Variants in ZBTB16 observed in about 807,000 individuals in gnomAD.
ZBTB16 encodes the protein zinc finger and BTB domain-containing protein 16.
A neutral mutation model predicts 56.8 loss-of-function variants in ZBTB16; 8 were observed. The observed-to-expected ratio is 0.14, with a 90% CI of 0.08 to 0.25. The LOEUF is 0.25. ZBTB16 is among the 10% of genes least tolerant of loss of function. The probability of loss-of-function intolerance (pLI) is 1.00; values close to 1 mark genes in which losing one functional copy is unlikely to be tolerated. For missense variants in ZBTB16, 625 were observed against 903.0 expected (o/e 0.69, Z 3.95); for synonymous variants, 363 against 368.5 (o/e 0.98, Z 0.17).
intron 2 of ZBTB16, among the ~76,000 whole-genome samples, chr11:114,075,465 T>C (rs905721941): frequency 4.6e-5 from 7 of 151,976 alleles, no homozygotes; most frequent in Admixed American, 3.3e-4. Context: ...GTTTTTTTTC[T>C]TTTTTTCTTG....
intron 3 of ZBTB16, 40 bp from the exon 4 acceptor site, chr11:114,186,912 G>A: frequency 1.3e-6 from 2 of 1,597,930 alleles, no homozygotes; most frequent in Middle Eastern, 3.8e-4. Context: ...CTCACCAGTG[G>A]ACTATTGCTC....
At chr11:114,194,985 A>G (rs528330044) in intron 4 of ZBTB16, among the ~76,000 whole-genome samples, 6 of 152,334 alleles carry the variant, frequency 3.9e-5, no homozygotes, top group African/African-American at 1.4e-4. Context: ...TAGCTTCTCC[A>G]TGTCATTTGA....
chr11:114,102,737 A>AT (rs984765369), intron 2 of ZBTB16, among the ~76,000 whole-genome samples: 27 of 152,268 alleles, frequency 1.8e-4, no homozygotes, highest in African/African-American at 5.8e-4. Flanking sequence ...TTAATTATTT[A>AT]TTGGGTGCCT....
intron 2 of ZBTB16, among the ~76,000 whole-genome samples, chr11:114,098,724 T>C (rs1442002895): frequency 6.6e-6 from 1 of 152,122 alleles, no homozygotes; most frequent in Admixed American, 6.6e-5. Context: ...TTGGACTGTT[T>C]TGGCAGAAAT....
intron 5 of ZBTB16, 109 bp downstream of exon 5, chr11:114,242,446 T>C (rs1944728767): frequency 1.4e-6 from 2 of 1,473,102 alleles, no homozygotes; most frequent in African/African-American, 2.8e-5. Context: ...CTTCAGTCCT[T>C]CTGCTCAAGG....
Position 114,250,280 on chromosome 11 carries a change from C to G in ZBTB16, c.1793-46C>G. On this transcript the variant is annotated intron_variant, in intron 6 of 6. Coordinates refer to ENST00000335953, the MANE Select transcript of ZBTB16 (RefSeq NM_006006.6). This position sits in a 1 kb window ranked among gnomAD's most constrained non-coding sequence, Gnocchi z 6.0. ...GAGGGTGACATGGTGCCCTCACCGC[C>G]TTCTGTCTGTCCTCACTTTCTCCTG... The G allele has an allele frequency of 1.3e-6, 2 of 1,598,214 alleles. No homozygotes were observed. The highest frequency in any genetic ancestry group is 8.5e-7 in the Non-Finnish European group (1 of 1,175,966).
rs546704323 is a variant in ZBTB16, at chr11:114,064,887, T to G, written c.1268+319T>G. Among the ~76,000 whole-genome samples, 1 of 152,148 alleles carries G rather than the reference T, an allele frequency of 6.6e-6. No homozygotes were observed. Among genetic ancestry groups the G allele is most frequent in the South Asian group, 2.1e-4 (1 of 4,816 alleles). ...TTGGTCTGTTCTCCTTTGCTTGGAG[T>G]GACTGATAAAATGGAGAGAAGGAGA... On this transcript the variant is annotated intron_variant, in intron 2 of 6. Transcript: ENST00000335953. The surrounding 1 kb of genome is among the most constrained non-coding windows in gnomAD (Gnocchi z 4.2).
intron 4 of ZBTB16, among the ~76,000 whole-genome samples, chr11:114,201,184 T>C (rs1282731968): frequency 6.6e-6 from 1 of 152,190 alleles, no homozygotes; most frequent in Non-Finnish European, 1.5e-5. Context: ...TGTCACATTA[T>C]TTTAGAGATT....
At chr11:114,081,894 A>G (rs532273219) in intron 2 of ZBTB16, among the ~76,000 whole-genome samples, 2 of 152,246 alleles carry the variant, frequency 1.3e-5, no homozygotes, top group African/African-American at 2.4e-5. Flanking sequence ...AGAAGGCAGC[A>G]TGAAGAATGG....
At chr11:114,216,703 A>G (rs1191263405) in intron 4 of ZBTB16, among the ~76,000 whole-genome samples, 2 of 152,144 alleles carry the variant, frequency 1.3e-5, no homozygotes, top group Non-Finnish European at 2.9e-5. Context: ...CTTACCCCCT[A>G]TTCTCACTGA....
chr11:114,250,459 C>A lies in ZBTB16; in HGVS notation c.1926C>A (p.Leu642=). The A allele has an allele frequency of 3.1e-6, 5 of 1,614,174 alleles. No individual in the cohort carries two copies. The highest frequency in any genetic ancestry group is 4.2e-6 in the Non-Finnish European group (5 of 1,180,042). ...TCTGCACAGAGTACTGCCCCAGCCT[C>A]TCCTCCATGCAGAAGCACATGAAGG... ...CTICTEYCPS[L]SSMQKHMKGH... is the part of the protein sequence containing the mutation. Residue 642 remains leucine (L), a synonymous_variant, in exon 7 of 7, where the codon CTC becomes CTA. Coordinates refer to ENST00000335953, the MANE Select transcript of ZBTB16 (RefSeq NM_006006.6). This position sits in a 1 kb window ranked among gnomAD's most constrained non-coding sequence, Gnocchi z 6.0.
At chr11:114,086,013 G>A (rs1939945852) in intron 2 of ZBTB16, among the ~76,000 whole-genome samples, 1 of 152,092 alleles carries the variant, frequency 6.6e-6, no homozygotes, top group East Asian at 1.9e-4. Flanking sequence ...TTAGTGATGG[G>A]GGTGGTGGTG....
chr11:114,123,605 G>T (rs886905697), intron 2 of ZBTB16, among the ~76,000 whole-genome samples: 35 of 152,264 alleles, frequency 2.3e-4, no homozygotes, highest in African/African-American at 8.2e-4. Flanking sequence ...GGTTCCTGTT[G>T]GCTGTGAACA....
chr11:114,190,653 G>A (rs1347807697), intron 4 of ZBTB16, among the ~76,000 whole-genome samples: 2 of 151,430 alleles, frequency 1.3e-5, no homozygotes, highest in African/African-American at 4.9e-5. Flanking sequence ...AAGCGGCATG[G>A]GTGTGTACAT....
rs1939023018 is a variant in ZBTB16, at chr11:114,064,284, G to A, written c.984G>A (p.Glu328=). 6.2e-7 allele frequency: 1 copy of A among 1,614,154 alleles called. No individual in the cohort carries two copies. The highest frequency in any genetic ancestry group is 8.5e-7 in the Non-Finnish European group (1 of 1,180,046). The change falls in exon 2 of 7, where the codon GAG becomes GAA. Residue 328 remains glutamate, a synonymous_variant. Coordinates refer to ENST00000335953, the MANE Select transcript of ZBTB16 (RefSeq NM_006006.6). The surrounding 1 kb of genome is among the most constrained non-coding windows in gnomAD (Gnocchi z 4.2). ...GRPEHPAPPP[E]KHLGIYSVLP... The stretch of plus-strand genomic sequence containing the variant: ...CTGAGCACCCAGCACCCCCGCCTGA[G>A]AAGCATCTGGGCATCTACTCCGTGT...
At chr11:114,098,908 G>T (rs562369007) in intron 2 of ZBTB16, among the ~76,000 whole-genome samples, 15 of 152,288 alleles carry the variant, frequency 9.8e-5, no homozygotes, top group African/African-American at 3.6e-4. Context: ...GTGGTTTTCA[G>T]CCCAGAATTC....
In ZBTB16 at chr11:114,251,321, C is replaced by T. The variant is rs1378055832; in HGVS notation, c.*766C>T. Among the ~76,000 whole-genome samples, 1 of 152,198 alleles carries T rather than the reference C, an allele frequency of 6.6e-6. No homozygotes were observed. The highest frequency in any genetic ancestry group is 1.5e-5 in the Non-Finnish European group (1 of 68,026). ...CTAGTGGGATAGCTGCCTCTGACTTCAGGGTCCCTCCTACCCTCAGCCTTC... is the reference window on the plus strand; with the variant it reads ...CTAGTGGGATAGCTGCCTCTGACTTTAGGGTCCCTCCTACCCTCAGCCTTC... On this transcript the variant is annotated 3_prime_UTR_variant, in exon 7 of 7. Coordinates refer to ENST00000335953, the MANE Select transcript of ZBTB16 (RefSeq NM_006006.6).
Position 114,255,415 on chromosome 11 carries a change from TTC to T in ZBTB16, c.*4866_*4867del, listed in dbSNP as rs201391002. On this transcript the variant is annotated 3_prime_UTR_variant, in exon 7 of 7. Coordinates refer to ENST00000335953, the MANE Select transcript of ZBTB16 (RefSeq NM_006006.6). Reference sequence around the variant, plus strand: ...TACTTTTTTGTACAAATCAATCTCTTTCTCTCTTTCTCTCCTCCCCACCTCTC... The same window carrying T: ...TACTTTTTTGTACAAATCAATCTCTTTCTCTTTCTCTCCTCCCCACCTCTC... Among the ~76,000 whole-genome samples the T allele has an allele frequency of 7.9e-6, 1 of 127,238 alleles. No individual in the cohort carries two copies. Among genetic ancestry groups the T allele is most frequent in the African/African-American group, 2.7e-5 (1 of 37,318 alleles). The allele number at this position is 127,238 out of a possible 152,430, so 83.5% of individuals were successfully genotyped here. A position where few individuals can be genotyped will look rare whatever the true frequency, so the allele number is the denominator to read the frequency against.
chr11:114,078,124 A>G (rs1257757014), intron 2 of ZBTB16, among the ~76,000 whole-genome samples: 2 of 152,192 alleles, frequency 1.3e-5, no homozygotes, highest in Non-Finnish European at 2.9e-5. Flanking sequence ...CTTGTCACAT[A>G]CAACAGCTGC....
Sources: allele counts gnomAD v4.1 joint callset (sites outside exome capture counted in the v4.1 genomes callset), GRCh38; gene constraint gnomAD v4.1.1; non-coding constraint Gnocchi (gnomAD v3.1); transcripts MANE v1.5; gene names NCBI Gene and HGNC (gene_info 2026-07-23, HGNC 2026-07-21).